The following KAZN variants were observed in gnomAD, a reference collection of about 807,000 sequenced individuals.
The protein encoded by KAZN is kazrin, periplakin interacting protein, also known as kazrin.
KAZN carries 40 observed loss-of-function variants against 87.4 expected under a neutral mutation model. That is an observed-to-expected ratio of 0.46 (90% CI 0.36 to 0.60). KAZN has a LOEUF of 0.60. KAZN is among the 20% of genes least tolerant of loss of function. The probability of loss-of-function intolerance (pLI) is 0.00; values close to 1 mark genes in which losing one functional copy is unlikely to be tolerated. For synonymous variants in KAZN, 466 were observed against 458.3 expected, an observed-to-expected ratio of 1.02 and a Z score of -0.22; for missense variants, 898 against 1,073.9, an observed-to-expected ratio of 0.84 and a Z score of 2.29.
At chr1:14,654,568 C>T (rs2148703612) in intron 1 of KAZN, among the ~76,000 whole-genome samples, 1 of 152,240 alleles carries the variant, frequency 6.6e-6, no homozygotes, top group African/African-American at 2.4e-5. Context: ...CCACCCCAGC[C>T]TCCCACATTT....
intron 1 of KAZN, among the ~76,000 whole-genome samples, chr1:14,131,089 A>AT (rs1340098223): frequency 6.6e-6 from 1 of 152,136 alleles, no homozygotes; most frequent in African/African-American, 2.4e-5. Flanking sequence ...AGCAAAGCAC[A>AT]TTTTCATATG....
At chr1:14,782,397 A>C (rs140093340) in intron 1 of KAZN, among the ~76,000 whole-genome samples, 2,180 of 151,892 alleles carry the variant, frequency 0.014, 66 homozygotes, top group African/African-American at 0.049. Flanking sequence ...AAAATACAAA[A>C]ATTAGCCCGG....
chr1:14,905,704 C>A (rs1220347973), intron 1 of KAZN, among the ~76,000 whole-genome samples: 1 of 148,466 alleles, frequency 6.7e-6, no homozygotes, highest in African/African-American at 2.5e-5. Context: ...ATTAGCTGGG[C>A]ATGGTGGCAC....
intron 1 of KAZN, among the ~76,000 whole-genome samples, chr1:14,014,567 A>G (rs1433388038): frequency 1.3e-5 from 2 of 152,220 alleles, no homozygotes; most frequent in African/African-American, 4.8e-5. Flanking sequence ...TTAGCCTGCA[A>G]GATAAGCATG....
At chr1:14,458,788 G>C (rs1444074402) in intron 2 of KAZN, among the ~76,000 whole-genome samples, 2 of 152,144 alleles carry the variant, frequency 1.3e-5, no homozygotes, top group Non-Finnish European at 2.9e-5. Context: ...GCCCATGATG[G>C]GATATTTTAG....
chr1:15,060,691 C>T (rs1638719464), intron 6 of KAZN: 1 of 196,746 alleles, frequency 5.1e-6, no homozygotes, highest in African/African-American at 2.3e-5. Context: ...TCTATCCTGA[C>T]CCAGGAGTCT....
At chr1:14,268,716 T>A (rs201905337) in intron 2 of KAZN, among the ~76,000 whole-genome samples, 2 of 152,216 alleles carry the variant, frequency 1.3e-5, no homozygotes, top group Non-Finnish European at 2.9e-5. Context: ...GCTAGGTTAA[T>A]AAACACTAGC....
intron 1 of KAZN, among the ~76,000 whole-genome samples, chr1:14,003,170 A>C (rs1639875455): frequency 6.6e-6 from 1 of 151,906 alleles, no homozygotes; most frequent in Non-Finnish European, 1.5e-5. Context: ...ACATGGACAC[A>C]GGGTGGGGAA....
chr1:14,965,398 C>T (rs12568269), intron 2 of KAZN, among the ~76,000 whole-genome samples: 2 of 152,290 alleles, frequency 1.3e-5, no homozygotes, highest in Non-Finnish European at 1.5e-5. Flanking sequence ...TGGGGGACCC[C>T]TTTGGGGTGT....
At chr1:14,781,551 G>A (rs886537378) in intron 1 of KAZN, among the ~76,000 whole-genome samples, 2 of 152,178 alleles carry the variant, frequency 1.3e-5, no homozygotes, top group African/African-American at 4.8e-5. Context: ...ATTTATAAGA[G>A]CAAATGAAGA....
In KAZN at chr1:13,950,233, C is replaced by T. The variant is rs190368740; in HGVS notation, c.91+56477C>T. Among the ~76,000 whole-genome samples, 9 of 151,316 alleles carry T rather than the reference C, an allele frequency of 5.9e-5. No individual in the cohort carries two copies. In the East Asian group the frequency reaches 1.8e-3, roughly 30 times the overall value. On this transcript the variant is annotated intron_variant, in intron 1 of 16. Coordinates refer to the KAZN transcript ENST00000636203. ...CCCCGCCTCCTCCGATGGTCCTGCA[C>T]AATGCTTCCTTGGTGTCCCTTATGC...
At chr1:14,587,314 T>C (rs895199623) in intron 2 of KAZN, among the ~76,000 whole-genome samples, 1 of 151,788 alleles carries the variant, frequency 6.6e-6, no homozygotes, top group Non-Finnish European at 1.5e-5. Flanking sequence ...CATGCACCTG[T>C]AATCCCAGCT....
chr1:14,392,837 G>T (rs902758168), intron 2 of KAZN, among the ~76,000 whole-genome samples: 2 of 152,132 alleles, frequency 1.3e-5, no homozygotes, highest in African/African-American at 4.8e-5. Context: ...AATTCTCATG[G>T]TGATTCTAAT....
At chr1:15,071,291 G>A (rs769924839) in intron 8 of KAZN, among the ~76,000 whole-genome samples, 59 of 151,368 alleles carry the variant, frequency 3.9e-4, no homozygotes, top group Non-Finnish European at 8.0e-4. Flanking sequence ...TCACTCTGTC[G>A]CCCAGGCTGG....
At chr1:14,470,653 G>A (rs899206359) in intron 2 of KAZN, among the ~76,000 whole-genome samples, 3 of 152,186 alleles carry the variant, frequency 2.0e-5, no homozygotes, top group Non-Finnish European at 4.4e-5. Context: ...TCTCTGTTGA[G>A]CAGAGTTTAC....
intron 2 of KAZN, among the ~76,000 whole-genome samples, chr1:14,557,654 G>A (rs1673983968): frequency 3.4e-5 from 5 of 145,466 alleles, no homozygotes; most frequent in African/African-American, 1.2e-4. Flanking sequence ...GTGTGTGTGT[G>A]TGTGTGTGTG....
intron 2 of KAZN, among the ~76,000 whole-genome samples, chr1:14,331,453 A>G (rs1453541270): frequency 6.6e-6 from 1 of 152,196 alleles, no homozygotes; most frequent in East Asian, 1.9e-4. Context: ...AAGGTATGGC[A>G]TTGGAAGTGA....
At chr1:14,213,748 A>G (rs1160728814) in intron 2 of KAZN, among the ~76,000 whole-genome samples, 4 of 152,080 alleles carry the variant, frequency 2.6e-5, no homozygotes, top group Non-Finnish European at 5.9e-5. Context: ...TTGGGGGGAG[A>G]CTAGTCTATG....
intron 1 of KAZN, among the ~76,000 whole-genome samples, chr1:14,618,214 C>A (rs1221981690): frequency 6.6e-6 from 1 of 152,160 alleles, no homozygotes; most frequent in East Asian, 1.9e-4. Context: ...GGGGCATGGC[C>A]CCAGCCCCGG....
Sources: allele counts gnomAD v4.1 joint callset (sites outside exome capture counted in the v4.1 genomes callset), GRCh38; gene constraint gnomAD v4.1.1; transcripts MANE v1.5; gene names NCBI Gene and HGNC (gene_info 2026-07-23, HGNC 2026-07-21).